The following NPVF variants were observed in gnomAD, a reference collection of about 807,000 sequenced individuals.
NPVF encodes the protein neuropeptide VF precursor.
A neutral mutation model predicts 15.7 loss-of-function variants in NPVF; 17 were observed. The ratio of observed to expected loss-of-function variants is 1.08; its 90% CI spans 0.74 to 1.62. The LOEUF is 1.62. Ranked by LOEUF, NPVF falls within the 40% of genes most tolerant of loss-of-function variation. The pLI is 0.00. For missense variants in NPVF, 270 were observed against 225.2 expected (o/e 1.20, Z -1.27); for synonymous variants, 70 against 80.1 (o/e 0.87, Z 0.67).
rs531099431 is a variant in NPVF at position 25,227,456 on chromosome 7, G to A, written c.139-430C>T. Among the ~76,000 whole-genome samples, 5 of 152,260 alleles carry A rather than the reference G, an allele frequency of 3.3e-5. No individual in the cohort carries two copies. The South Asian group carries it at 1.0e-3, about 32-fold the overall frequency. On this transcript the variant is annotated intron_variant, in intron 1 of 2. Coordinates refer to ENST00000222674, the MANE Select transcript of NPVF (RefSeq NM_022150.3). ...CATGTTTCTCTTTAAAGGCCAAAGT[G>A]GCACATGGAAACACGGTACATCAAA...
chr7:25,225,269 T>C, intron 2 of NPVF, 96 bp from the exon 3 acceptor site: 2 of 948,298 alleles, frequency 2.1e-6, no homozygotes, highest in Non-Finnish European at 3.3e-6. Flanking sequence ...TGCCTAATTA[T>C]ACTTGAGTTG....
intron 2 of NPVF, among the ~76,000 whole-genome samples, chr7:25,226,411 T>C (rs900825784): frequency 4.6e-5 from 7 of 152,192 alleles, no homozygotes; most frequent in Admixed American, 2.6e-4. Context: ...GGGGAAGCCA[T>C]CCTATGATTT....
rs751524891 is a variant in NPVF, at chr7:25,228,390, G to A, written c.50C>T (p.Ser17Leu). Residue 17 changes from serine (S) to leucine (L), a missense_variant, in exon 1 of 3, where the codon TCA (serine) becomes TTA (leucine). By Grantham distance (145) the Ser-to-Leu change is moderately radical. Transcript: ENST00000222674. ...AAAAATGTTTGATGTTAACAAGCTT[G>A]AAGTGGCTAAAGTCAATAAAATGAA... ...KLFILLTLATSSLLTSNIFCA... is the reference protein window; with the variant it reads ...KLFILLTLATLSLLTSNIFCA... 1.8e-5 allele frequency: 29 copies of A among 1,582,082 alleles called. No individual in the cohort carries two copies. Among genetic ancestry groups the A allele is most frequent in the Middle Eastern group, 1.7e-4 (1 of 5,996 alleles).
chr7:25,227,374 T>C (rs1228587975), intron 1 of NPVF, among the ~76,000 whole-genome samples: 3 of 152,270 alleles, frequency 2.0e-5, no homozygotes, highest in South Asian at 4.1e-4. Context: ...ATGTTGCTTA[T>C]GGAATATTTT....
At chr7:25,226,265 G>T (rs2115497418) in intron 2 of NPVF, among the ~76,000 whole-genome samples, 1 of 152,152 alleles carries the variant, frequency 6.6e-6, no homozygotes, top group East Asian at 1.9e-4. Flanking sequence ...TTGAGATGGG[G>T]TCCTTTGCAC....
At chr7:25,226,276 C>T (rs1363716610) in intron 2 of NPVF, among the ~76,000 whole-genome samples, 5 of 152,160 alleles carry the variant, frequency 3.3e-5, no homozygotes, top group African/African-American at 9.7e-5. Context: ...TCCTTTGCAC[C>T]TGAACAACTC....
chr7:25,226,291 C>G (rs1029198876), intron 2 of NPVF, among the ~76,000 whole-genome samples: 1 of 152,110 alleles, frequency 6.6e-6, no homozygotes, highest in Admixed American at 6.5e-5. Context: ...CAACTCTCTC[C>G]CATGAGACTT....
rs1397726571 is a variant in NPVF, at chr7:25,225,093, CA to C, written c.*28del. ...ATAGAGCCATTTGTAGATTACAGGC[CA>C]CAGCTTTAGGGACAGGCTCCAGGTT... is the stretch of plus-strand genomic sequence containing the variant. On this transcript the variant is annotated 3_prime_UTR_variant, in exon 3 of 3. Coordinates refer to ENST00000222674, the MANE Select transcript of NPVF (RefSeq NM_022150.3). 1.2e-6 allele frequency: 2 copies of C among 1,605,492 alleles called. No individual in the cohort carries two copies. The highest frequency in any genetic ancestry group is 2.7e-5 in the African/African-American group (2 of 74,328).
Position 25,227,006 on chromosome 7 carries a change from C to T in NPVF, c.159G>A (p.Gly53=), listed in dbSNP as rs1223987892. ...ATTCCTCAAAATTGAGGCTTCTTTC[C>T]CCTTTTGGGTATCCTCTAGGCTATA... ...KYSEPRGYPK[G]ERSLNFEELK... is the part of the protein sequence containing the mutation. Residue 53 remains glycine (G), a synonymous_variant, in exon 2 of 3, where the codon GGG becomes GGA. Coordinates refer to ENST00000222674, the MANE Select transcript of NPVF (RefSeq NM_022150.3). 3.7e-6 allele frequency: 6 copies of T among 1,613,014 alleles called. No individual in the cohort carries two copies. Among genetic ancestry groups the T allele is most frequent in the Admixed American group, 3.3e-5 (2 of 59,918 alleles).
At chr7:25,226,271 T>C (rs569868021) in intron 2 of NPVF, among the ~76,000 whole-genome samples, 52 of 152,318 alleles carry the variant, frequency 3.4e-4, no homozygotes, top group African/African-American at 1.2e-3. Context: ...TGGGGTCCTT[T>C]GCACCTGAAC....
In NPVF at chr7:25,226,980, A is replaced by C; in HGVS notation, c.185T>G (p.Leu62Ter). Reference protein sequence around the residue: ...KGERSLNFEELKDWGPKNVIK... With the variant: ...KGERSLNFEE The stretch of plus-strand genomic sequence containing the variant: ...AACATTTTTTGGTCCCCAATCTTTT[A>C]ATTCCTCAAAATTGAGGCTTCTTTC... The change falls in exon 2 of 3, where the codon TTA becomes TGA. Residue 62 changes from leucine (L) to a stop codon, truncating the protein, a stop_gained. Transcript: ENST00000222674. LOFTEE classifies it high-confidence loss of function. 6.2e-7 allele frequency: 1 copy of C among 1,613,782 alleles called. No individual in the cohort carries two copies. Among genetic ancestry groups the C allele is most frequent in the Non-Finnish European group, 8.5e-7 (1 of 1,179,820 alleles).
At position 25,226,681 on chromosome 7, in the gene NPVF, A is replaced by G; in HGVS notation, c.484T>C (p.Tyr162His). Residue 162 changes from tyrosine (Y) to histidine (H), a missense_variant, in exon 2 of 3, where the codon TAC becomes CAC. Coordinates refer to ENST00000222674, the MANE Select transcript of NPVF (RefSeq NM_022150.3). ...MHSPCANDLF[Y>H]SMTCQHQEIQ... is the part of the protein sequence containing the mutation. ...TCTTGGTGCTGGCAGGTCATGGAGT[A>G]AAATAAGTCATTGGCACATGGTGAA... is the stretch of plus-strand genomic sequence containing the variant. 6.2e-7 allele frequency: 1 copy of G among 1,614,200 alleles called. No homozygotes were observed.
At chr7:25,228,228 T>C (rs1304988573) in intron 1 of NPVF, 74 bp downstream of exon 1, 2 of 1,079,032 alleles carry the variant, frequency 1.9e-6, no homozygotes, top group Non-Finnish European at 2.8e-6. Context: ...TCTTAGTCTT[T>C]ACAAAATCAT....
Position 25,225,101 on chromosome 7 carries a change from T to C in NPVF, c.*21A>G, listed in dbSNP as rs1783108368. The C allele has an allele frequency of 1.2e-6, 2 of 1,610,410 alleles. No individual in the cohort carries two copies. The highest frequency in any genetic ancestry group is 1.3e-5 in the African/African-American group (1 of 74,714). On this transcript the variant is annotated 3_prime_UTR_variant, in exon 3 of 3. Transcript: ENST00000222674. ...ATTTGTAGATTACAGGCCACAGCTTTAGGGACAGGCTCCAGGTTTCTTATT... is the reference window on the plus strand; with the variant it reads ...ATTTGTAGATTACAGGCCACAGCTTCAGGGACAGGCTCCAGGTTTCTTATT...
chr7:25,227,813 A>G (rs564253897), intron 1 of NPVF, among the ~76,000 whole-genome samples: 2 of 152,350 alleles, frequency 1.3e-5, no homozygotes, highest in East Asian at 3.9e-4. Flanking sequence ...ATTTCATCAG[A>G]TTTGGAAAAC....
At chr7:25,225,241 A>G in intron 2 of NPVF, 68 bp from the exon 3 acceptor site, 2 of 1,259,566 alleles carry the variant, frequency 1.6e-6, no homozygotes, top group Non-Finnish European at 1.2e-6. Context: ...GTATACAAAT[A>G]CAAGCCATAG....
In NPVF at chr7:25,226,719, T is replaced by C. The variant is rs1583440966; in HGVS notation, c.446A>G (p.Gln149Arg). 2 of 1,614,228 alleles carry C rather than the reference T, an allele frequency of 1.2e-6. No individual in the cohort carries two copies. The highest frequency in any genetic ancestry group is 3.3e-4 in the Middle Eastern group (2 of 6,062). ...GGCACATGGTGAATGCATGGATCCT[T>C]GACACAAATCACTCAGCATCCTGCA... ...SVCRMLSDLC[Q>R]GSMHSPCAND... Residue 149 changes from glutamine to arginine, a missense_variant, in exon 2 of 3, where the codon CAA (glutamine) becomes CGA (arginine). Gln to Arg is a conservative substitution (Grantham distance 43). Transcript: ENST00000222674.
rs2115497667 is a variant in NPVF, at chr7:25,226,770, C to T, written c.395G>A (p.Gly132Glu). The change falls in exon 2 of 3, where the codon GGG becomes GAG. Residue 132 changes from glycine to glutamate, a missense_variant. Physicochemically the swap from Gly to Glu is moderately conservative, Grantham distance 98. Coordinates refer to ENST00000222674, the MANE Select transcript of NPVF (RefSeq NM_022150.3). ...RRVPNLPQRF[G>E]RTTTAKSVCR... ...GACACTTTTGGCTGTTGTTGTTCTC[C>T]CAAACCTTTGGGGCAGGTTAGGAAC... is the stretch of plus-strand genomic sequence containing the variant. 1 of 1,614,154 alleles carries T rather than the reference C, an allele frequency of 6.2e-7. No homozygotes were observed. Among genetic ancestry groups the T allele is most frequent in the Non-Finnish European group, 8.5e-7 (1 of 1,180,004 alleles).
chr7:25,227,064 G>A, intron 1 of NPVF, 38 bp from the exon 2 acceptor site: 1 of 1,518,114 alleles, frequency 6.6e-7, no homozygotes. Flanking sequence ...ACATACTGTT[G>A]TTATAAGCAA....
Sources: gnomAD v4.1 joint callset for allele counts (sites outside exome capture counted in the v4.1 genomes callset) on GRCh38, gnomAD v4.1.1 for gene constraint, MANE v1.5 for transcripts, NCBI Gene and HGNC (gene_info 2026-07-23, HGNC 2026-07-21) for gene names.